CADPS: variants seen among roughly 807,000 people sequenced by gnomAD.
CADPS encodes the protein calcium dependent secretion activator.
In CADPS, 57 loss-of-function variants were observed where a neutral mutation model predicts 167.3. The observed-to-expected ratio is 0.34, with a 90% confidence interval of 0.28 to 0.42. CADPS has a LOEUF of 0.42. Among genes scored for constraint, CADPS ranks in the 20% least tolerant of loss-of-function variants. CADPS has a pLI of 1.00. For synonymous variants in CADPS, 676 were observed against 635.3 expected (o/e 1.06, Z -0.96); for missense variants, 1,414 against 1,738.1 (o/e 0.81, Z 3.32).
chr3:62,536,267 G>A (rs1218074503), intron 12 of CADPS, 178 bp downstream of exon 12: 8 of 557,340 alleles, frequency 1.4e-5, no homozygotes, highest in East Asian at 2.9e-5. Context: ...ACTTCCTCCC[G>A]CTCAGTCTTG....
At chr3:62,475,941 G>A (rs1429656984) in intron 23 of CADPS, among the ~76,000 whole-genome samples, 5 of 152,172 alleles carry the variant, frequency 3.3e-5, no homozygotes, top group African/African-American at 1.2e-4. Flanking sequence ...CCCTTGGAGT[G>A]CAGGGCTGTG....
intron 7 of CADPS, among the ~76,000 whole-genome samples, chr3:62,589,467 C>T (rs950911356): frequency 6.6e-6 from 1 of 152,258 alleles, no homozygotes; most frequent in African/African-American, 2.4e-5. Context: ...CCATGGTCTT[C>T]ACCACCACAG....
chr3:62,762,969 T>C (rs981590613), intron 2 of CADPS, among the ~76,000 whole-genome samples: 4 of 152,060 alleles, frequency 2.6e-5, no homozygotes. Context: ...TGTGTGTGAA[T>C]GTGAAAGAGA....
intron 8 of CADPS, among the ~76,000 whole-genome samples, chr3:62,576,944 A>T (rs563239382): frequency 6.6e-6 from 1 of 151,922 alleles, no homozygotes; most frequent in South Asian, 2.1e-4. Context: ...ATCCTCTCTT[A>T]TGATATTTTT....
intron 13 of CADPS, among the ~76,000 whole-genome samples, chr3:62,525,511 A>T (rs922508392): frequency 3.9e-5 from 6 of 152,202 alleles, no homozygotes; most frequent in African/African-American, 1.4e-4. Flanking sequence ...TTCAGTGTGT[A>T]ACATGAGACC....
intron 1 of CADPS, among the ~76,000 whole-genome samples, chr3:62,850,870 G>T (rs1297420617): frequency 2.0e-5 from 3 of 151,796 alleles, no homozygotes; most frequent in Non-Finnish European, 4.4e-5. Flanking sequence ...TGTTGACAGT[G>T]GGGTGTTACA....
At chr3:62,450,839 G>T (rs1415926839) in intron 26 of CADPS, among the ~76,000 whole-genome samples, 1 of 152,054 alleles carries the variant, frequency 6.6e-6, no homozygotes, top group South Asian at 2.1e-4. Flanking sequence ...ACCTTTTGAG[G>T]GGGATCCTAT....
intron 12 of CADPS, among the ~76,000 whole-genome samples, chr3:62,533,487 C>T (rs886811934): frequency 5.3e-5 from 8 of 152,114 alleles, no homozygotes; most frequent in African/African-American, 1.9e-4. Flanking sequence ...TAGAGCTTTA[C>T]ACTTAACAGA....
chr3:62,875,206 G>C lies in CADPS; in HGVS notation c.-177C>G. The C allele has an allele frequency of 2.4e-6, 2 of 833,136 alleles. No individual in the cohort carries two copies. Among genetic ancestry groups the C allele is most frequent in the Non-Finnish European group, 3.2e-6 (2 of 620,868 alleles). The allele number at this position is 833,136 out of a possible 1,614,324, so 51.6% of individuals were successfully genotyped here. A position where few individuals can be genotyped will look rare whatever the true frequency, so the allele number is the denominator to read the frequency against. On this transcript the variant is annotated 5_prime_UTR_variant, in exon 1 of 30. Transcript: ENST00000383710. Reference sequence around the variant, plus strand: ...GACTGATCCTCTGCCCGGCGGTCGCGAGCTGGGCTCAGACCCAGAAGCGCG... The same window carrying C: ...GACTGATCCTCTGCCCGGCGGTCGCCAGCTGGGCTCAGACCCAGAAGCGCG...
At chr3:62,515,631 G>C (rs1360823572) in intron 16 of CADPS, among the ~76,000 whole-genome samples, 2 of 152,016 alleles carry the variant, frequency 1.3e-5, no homozygotes, top group African/African-American at 4.8e-5. Context: ...GCAAAACCTT[G>C]ATCTTGCTCT....
At chr3:62,504,794 G>C (rs993472918) in intron 17 of CADPS, among the ~76,000 whole-genome samples, 1 of 152,038 alleles carries the variant, frequency 6.6e-6, no homozygotes, top group Non-Finnish European at 1.5e-5. Context: ...TGTGACTGCA[G>C]AAAAACAAAA....
chr3:62,702,985 T>C (rs1198211099), intron 3 of CADPS, among the ~76,000 whole-genome samples: 1 of 152,092 alleles, frequency 6.6e-6, no homozygotes, highest in Non-Finnish European at 1.5e-5. Context: ...CAGGATGACA[T>C]AGCCAGTAAG....
In CADPS at chr3:62,748,573, G is replaced by A. The variant is rs543759042; in HGVS notation, c.888+4868C>T. Among the ~76,000 whole-genome samples, 297 of 152,130 alleles carry A rather than the reference G, an allele frequency of 2.0e-3. 2 individuals are homozygous for A. The highest frequency in any genetic ancestry group is 6.8e-3 in the African/African-American group (283 of 41,498). ...TTACTAAAGGGAAAGGGGAGAGATG[G>A]TGCATCTTGAAAATGTTTTTAAATA... On this transcript the variant is annotated intron_variant, in intron 3 of 29. Coordinates refer to ENST00000383710, the MANE Select transcript of CADPS (RefSeq NM_003716.4).
intron 8 of CADPS, among the ~76,000 whole-genome samples, chr3:62,578,964 T>A (rs901701679): frequency 6.6e-6 from 1 of 152,138 alleles, no homozygotes; most frequent in African/African-American, 2.4e-5. Context: ...AGAAGTGTGA[T>A]GATTTTGAAG....
chr3:62,622,295 T>C (rs992204439), intron 6 of CADPS, among the ~76,000 whole-genome samples: 19 of 152,238 alleles, frequency 1.2e-4, no homozygotes, highest in African/African-American at 3.4e-4. Flanking sequence ...CAAATGTTTA[T>C]TGAATTTCTA....
intron 3 of CADPS, among the ~76,000 whole-genome samples, chr3:62,690,513 A>G (rs2135581): frequency 0.87 from 132,697 of 151,746 alleles, 58,178 homozygotes; most frequent in East Asian, 0.98. Flanking sequence ...TGACTTGTCA[A>G]TACAATGCAG....
intron 3 of CADPS, 88 bp from the exon 4 acceptor site, chr3:62,662,482 T>A: frequency 9.4e-7 from 1 of 1,062,326 alleles, no homozygotes; most frequent in South Asian, 1.3e-5. Context: ...CCCCTTGCAC[T>A]GTGCTCCATG....
rs559598715 is a variant in CADPS, at chr3:62,412,749, A to G, written c.3778-9564T>C. Among the ~76,000 whole-genome samples the G allele has an allele frequency of 6.6e-4, 100 of 152,306 alleles. No individual in the cohort carries two copies. The highest frequency in any genetic ancestry group is 2.4e-3 in the African/African-American group (99 of 41,572). The stretch of plus-strand genomic sequence containing the variant: ...CATGGGGGAAATTTCAAGGGGAGGC[A>G]AGAGTCCAGAAGGATCCTTTCTAAA... On this transcript the variant is annotated intron_variant, in intron 28 of 29. Transcript: ENST00000383710. The surrounding 1 kb of genome is among the most constrained non-coding windows in gnomAD (Gnocchi z 4.1).
intron 6 of CADPS, among the ~76,000 whole-genome samples, chr3:62,638,760 C>T (rs545673955): frequency 4.0e-4 from 61 of 152,222 alleles, no homozygotes; most frequent in Non-Finnish European, 5.6e-4. Context: ...AGTTGCAATT[C>T]CTGAAACCTC....
Sources: gnomAD v4.1 joint callset for allele counts (sites outside exome capture counted in the v4.1 genomes callset) on GRCh38, gnomAD v4.1.1 for gene constraint, Gnocchi (gnomAD v3.1) non-coding constraint, MANE v1.5 for transcripts, NCBI Gene and HGNC (gene_info 2026-07-23, HGNC 2026-07-21) for gene names.